AGBL1: variants seen among roughly 807,000 people sequenced by gnomAD.
The protein encoded by AGBL1 is AGBL carboxypeptidase 1.
A neutral mutation model predicts 118.9 loss-of-function variants in AGBL1; 130 were observed. That is an observed-to-expected ratio of 1.09 (90% CI 0.95 to 1.26). The LOEUF is 1.26. AGBL1 is among the 50% of genes most tolerant of loss of function. The probability of loss-of-function intolerance (pLI) is 0.00; values close to 1 mark genes in which losing one functional copy is unlikely to be tolerated. For missense variants in AGBL1, 1,584 were observed against 1,298.1 expected (o/e 1.22, Z -3.38); for synonymous variants, 555 against 478.9 (o/e 1.16, Z -2.08).
intron 22 of AGBL1, among the ~76,000 whole-genome samples, chr15:86,678,626 T>C (rs2085891844): frequency 6.6e-6 from 1 of 152,096 alleles, no homozygotes; most frequent in South Asian, 2.1e-4. Context: ...TTTATTGACA[T>C]TGAATATTTT....
intron 23 of AGBL1, among the ~76,000 whole-genome samples, chr15:86,959,131 A>C (rs1260210096): frequency 6.6e-6 from 1 of 152,150 alleles, no homozygotes; most frequent in African/African-American, 2.4e-5. Flanking sequence ...TTAATAACAA[A>C]AAAGACTTCT....
intron 24 of AGBL1, among the ~76,000 whole-genome samples, chr15:87,013,345 G>C (rs977985334): frequency 6.6e-6 from 1 of 152,118 alleles, no homozygotes; most frequent in African/African-American, 2.4e-5. Context: ...TTGGCATTGA[G>C]TGCATCCCAA....
chr15:86,415,598 A>G (rs1567245642), intron 18 of AGBL1, among the ~76,000 whole-genome samples: 1 of 152,184 alleles, frequency 6.6e-6, no homozygotes, highest in Non-Finnish European at 1.5e-5. Flanking sequence ...ATGAAGCCTT[A>G]TTAAGCTCTT....
chr15:86,931,826 A>G (rs1457661733), intron 23 of AGBL1, among the ~76,000 whole-genome samples: 3 of 152,212 alleles, frequency 2.0e-5, no homozygotes, highest in Non-Finnish European at 4.4e-5. Context: ...GCCTAAATAT[A>G]TAAGCAAAAT....
intron 17 of AGBL1, among the ~76,000 whole-genome samples, chr15:86,379,268 T>TA (rs2081081144): frequency 6.6e-6 from 1 of 152,116 alleles, no homozygotes; most frequent in South Asian, 2.1e-4. Flanking sequence ...CCCTTGTTCT[T>TA]AACCATGAAG....
At chr15:86,245,739 C>T (rs1443594270) in intron 6 of AGBL1, among the ~76,000 whole-genome samples, 2 of 152,168 alleles carry the variant, frequency 1.3e-5, no homozygotes, top group Non-Finnish European at 2.9e-5. Flanking sequence ...TGAGAAAGCT[C>T]CATACTAAAT....
chr15:86,858,718 C>T (rs1040924446), intron 22 of AGBL1, among the ~76,000 whole-genome samples: 2 of 152,042 alleles, frequency 1.3e-5, no homozygotes, highest in African/African-American at 4.8e-5. Context: ...GTAAAATCTA[C>T]GGAATGTTGG....
At chr15:86,432,683 C>T (rs566944744) in intron 18 of AGBL1, among the ~76,000 whole-genome samples, 1 of 152,266 alleles carries the variant, frequency 6.6e-6, no homozygotes, top group South Asian at 2.1e-4. Context: ...ATCAGGTCAC[C>T]ACCAAGGATA....
At chr15:86,249,529 A>G (rs1249117270) in intron 7 of AGBL1, among the ~76,000 whole-genome samples, 1 of 152,104 alleles carries the variant, frequency 6.6e-6, no homozygotes, top group Non-Finnish European at 1.5e-5. Flanking sequence ...GCTATATTTT[A>G]CCTTCTATTT....
At chr15:86,767,536 C>G (rs1045591377) in intron 22 of AGBL1, among the ~76,000 whole-genome samples, 1 of 151,884 alleles carries the variant, frequency 6.6e-6, no homozygotes, top group Non-Finnish European at 1.5e-5. Context: ...CAGAGGCAAA[C>G]AGTCAAAGAA....
At chr15:86,778,119 C>T (rs2078284737) in intron 22 of AGBL1, among the ~76,000 whole-genome samples, 1 of 152,000 alleles carries the variant, frequency 6.6e-6, no homozygotes, top group South Asian at 2.1e-4. Context: ...GGCCCCTGAG[C>T]CGTAAAACCA....
intron 22 of AGBL1, among the ~76,000 whole-genome samples, chr15:86,736,748 G>A (rs2077606408): frequency 6.6e-6 from 1 of 152,156 alleles, no homozygotes; most frequent in African/African-American, 2.4e-5. Flanking sequence ...TATGCATGCT[G>A]GAAGTATAAA....
chr15:86,289,074 CAAAAT>C (rs989154715), intron 16 of AGBL1, among the ~76,000 whole-genome samples: 3 of 152,034 alleles, frequency 2.0e-5, no homozygotes, highest in African/African-American at 4.8e-5. Context: ...CAGAGGCAAA[CAAAAT>C]AAAGAGATAA....
chr15:86,602,064 C>CTTTCT (rs2142372545), intron 21 of AGBL1, among the ~76,000 whole-genome samples: 1 of 152,100 alleles, frequency 6.6e-6, no homozygotes, highest in East Asian at 1.9e-4. Context: ...CCTTCTCTTT[C>CTTTCT]TTTCTTTTCT....
At chr15:86,215,265 G>GT (rs57970532) in intron 5 of AGBL1, among the ~76,000 whole-genome samples, 2 of 146,516 alleles carry the variant, frequency 1.4e-5, no homozygotes, top group Non-Finnish European at 3.0e-5. Flanking sequence ...GTGTGTGTGT[G>GT]ATTTTATGCA....
intron 22 of AGBL1, among the ~76,000 whole-genome samples, chr15:86,740,989 A>T (rs1342421147): frequency 6.6e-6 from 1 of 152,052 alleles, no homozygotes; most frequent in Non-Finnish European, 1.5e-5. Context: ...CTCTCAGAGG[A>T]CACATGGAAG....
At position 86,172,068 on chromosome 15, in the gene AGBL1, A is replaced by G. The variant is rs193301058; in HGVS notation, c.488+13042A>G. The stretch of plus-strand genomic sequence containing the variant: ...GGGTGGGAGGAGTGTAAGGGATAAA[A>G]GACTACGCATTGGGTACAGTGTGCA... On this transcript the variant is annotated intron_variant, in intron 5 of 22. Transcript: ENST00000614907. Among the ~76,000 whole-genome samples, 3 of 152,294 alleles carry G rather than the reference A, an allele frequency of 2.0e-5. No individual in the cohort carries two copies. The East Asian group carries it at 5.8e-4, about 29-fold the overall frequency.
chr15:86,876,204 C>A (rs1260271394), intron 22 of AGBL1, among the ~76,000 whole-genome samples: 1 of 152,150 alleles, frequency 6.6e-6, no homozygotes, highest in African/African-American at 2.4e-5. Context: ...CCAGGAGGCC[C>A]TTCTAAGCAG....
intron 6 of AGBL1, among the ~76,000 whole-genome samples, chr15:86,233,938 AT>A: frequency 6.6e-6 from 1 of 152,136 alleles, no homozygotes; most frequent in East Asian, 1.9e-4. Context: ...CCAGGCACCC[AT>A]TCTGGGTCCA....
Sources: allele counts gnomAD v4.1 joint callset (sites outside exome capture counted in the v4.1 genomes callset), GRCh38; gene constraint gnomAD v4.1.1; transcripts MANE v1.5; gene names NCBI Gene and HGNC (gene_info 2026-07-23, HGNC 2026-07-21).